BACH2: variants seen among roughly 807,000 people sequenced by gnomAD.
BACH2 encodes the protein BACH transcriptional regulator 2.
A neutral mutation model predicts 61.8 loss-of-function variants in BACH2; 5 were observed. That is an observed-to-expected ratio of 0.08 (90% CI 0.04 to 0.17). The LOEUF (loss-of-function observed/expected upper bound fraction) is 0.17. Among genes scored for constraint, BACH2 ranks in the 10% least tolerant of loss-of-function variants. The probability of loss-of-function intolerance (pLI) is 1.00; values close to 1 mark genes in which losing one functional copy is unlikely to be tolerated. For missense variants in BACH2, 824 were observed against 1,091.1 expected, an observed-to-expected ratio of 0.76 and a Z score of 3.45; for synonymous variants, 446 against 440.1, an observed-to-expected ratio of 1.01 and a Z score of -0.17.
intron 4 of BACH2, among the ~76,000 whole-genome samples, chr6:90,168,683 A>T (rs1767711648): frequency 6.6e-6 from 1 of 152,226 alleles, no homozygotes; most frequent in Non-Finnish European, 1.5e-5. Context: ...ACAACATAAT[A>T]ACTATTTATG....
chr6:90,171,424 A>C (rs916461287), intron 4 of BACH2, among the ~76,000 whole-genome samples: 2 of 151,978 alleles, frequency 1.3e-5, no homozygotes, highest in Non-Finnish European at 2.9e-5. Context: ...AAGAAGAAAA[A>C]AAAAAACAAA....
At chr6:90,122,484 G>A (rs915157393) in intron 4 of BACH2, among the ~76,000 whole-genome samples, 6 of 152,316 alleles carry the variant, frequency 3.9e-5, no homozygotes, top group South Asian at 2.1e-4. Context: ...ACTCATTTTA[G>A]TCTTGTCTTT....
chr6:90,080,408 T>C (rs12110619), intron 5 of BACH2, among the ~76,000 whole-genome samples: 6,766 of 152,158 alleles, frequency 0.044, 492 homozygotes, highest in African/African-American at 0.16. Context: ...CTGAAGCTTA[T>C]CAAGCATTAA....
At chr6:90,284,735 A>T (rs1175856445) in intron 1 of BACH2, among the ~76,000 whole-genome samples, 7 of 145,054 alleles carry the variant, frequency 4.8e-5, no homozygotes, top group East Asian at 2.0e-4. Context: ...TCAAGAGATT[A>T]AAAAAAAAAA....
At chr6:90,060,969 A>T (rs1780656964) in intron 5 of BACH2, among the ~76,000 whole-genome samples, 1 of 152,060 alleles carries the variant, frequency 6.6e-6, no homozygotes, top group Admixed American at 6.6e-5. Context: ...TTTTTTTCTT[A>T]GATATTTTCA....
intron 3 of BACH2, among the ~76,000 whole-genome samples, chr6:90,210,354 CAT>C (rs1769304089): frequency 6.6e-6 from 1 of 151,132 alleles, no homozygotes; most frequent in African/African-American, 2.4e-5. Flanking sequence ...CACACACGCA[CAT>C]GCACACACCA....
At chr6:90,127,343 C>T (rs1327619063) in intron 4 of BACH2, among the ~76,000 whole-genome samples, 2 of 152,262 alleles carry the variant, frequency 1.3e-5, no homozygotes, top group East Asian at 3.9e-4. Flanking sequence ...AGCAAGGCTG[C>T]GAGCCTCTCC....
At chr6:90,072,238 T>C (rs1389387303) in intron 5 of BACH2, among the ~76,000 whole-genome samples, 1 of 152,212 alleles carries the variant, frequency 6.6e-6, no homozygotes, top group Non-Finnish European at 1.5e-5. Flanking sequence ...GCAATGTTAC[T>C]ATAATAAGTA....
At chr6:90,050,774 A>AT (rs34979047) in intron 5 of BACH2, among the ~76,000 whole-genome samples, 44,682 of 146,942 alleles carry the variant, frequency 0.3, 7,228 homozygotes, top group East Asian at 0.68. Context: ...GTTCTCGGTA[A>AT]TTTTTTTTTT....
chr6:90,141,515 G>C (rs1784460793), intron 4 of BACH2, among the ~76,000 whole-genome samples: 1 of 145,196 alleles, frequency 6.9e-6, no homozygotes, highest in Non-Finnish European at 1.5e-5. Flanking sequence ...TTAAACCAAT[G>C]AATCTATATT....
rs546775616 is a variant in BACH2, at chr6:90,082,210, T to C, written c.-13+6751A>G. ...CCTTATAGTACAGTGATTACTAATTTCTAAATAATCAGAACACAATCAGTT... is the reference window on the plus strand; with the variant it reads ...CCTTATAGTACAGTGATTACTAATTCCTAAATAATCAGAACACAATCAGTT... On this transcript the variant is annotated intron_variant, in intron 5 of 8. Transcript: ENST00000257749. Among the ~76,000 whole-genome samples the C allele has an allele frequency of 5.3e-5, 8 of 152,298 alleles. No individual in the cohort carries two copies. In the South Asian group the frequency reaches 1.7e-3, roughly 32 times the overall value.
intron 5 of BACH2, among the ~76,000 whole-genome samples, chr6:90,029,257 C>T (rs1274076720): frequency 6.6e-6 from 1 of 152,170 alleles, no homozygotes; most frequent in Admixed American, 6.5e-5. Context: ...AGACTCCCCG[C>T]CCTGCCATTC....
At chr6:90,087,213 G>C (rs1368619867) in intron 5 of BACH2, among the ~76,000 whole-genome samples, 1 of 152,086 alleles carries the variant, frequency 6.6e-6, no homozygotes, top group Non-Finnish European at 1.5e-5. Flanking sequence ...CTCAACTCCA[G>C]AGAGTTATAA....
intron 3 of BACH2, among the ~76,000 whole-genome samples, chr6:90,225,313 G>A (rs1358299317): frequency 6.6e-6 from 1 of 152,088 alleles, no homozygotes; most frequent in African/African-American, 2.4e-5. Flanking sequence ...CCCAGGCCCG[G>A]GAGTTCGAGG....
At chr6:90,246,373 G>A (rs1770638486) in intron 3 of BACH2, among the ~76,000 whole-genome samples, 2 of 152,050 alleles carry the variant, frequency 1.3e-5, no homozygotes, top group Admixed American at 6.5e-5. Flanking sequence ...GTTGTCTACT[G>A]AAAACAATAT....
chr6:90,025,939 A>G (rs894862377), intron 5 of BACH2, among the ~76,000 whole-genome samples: 19 of 152,322 alleles, frequency 1.2e-4, no homozygotes, highest in African/African-American at 4.6e-4. Flanking sequence ...ATCATTTTAC[A>G]TTTTAATAGA....
chr6:90,004,785 A>C (rs1777319130), intron 6 of BACH2, among the ~76,000 whole-genome samples: 1 of 152,180 alleles, frequency 6.6e-6, no homozygotes. Context: ...TAGCACATCA[A>C]CTACTTTCTC....
intron 5 of BACH2, among the ~76,000 whole-genome samples, chr6:90,013,426 GA>G (rs1268070223): frequency 6.6e-6 from 1 of 151,666 alleles, no homozygotes; most frequent in Non-Finnish European, 1.5e-5. Context: ...TTGAGCTGAG[GA>G]AGTTTTATTT....
chr6:90,138,761 C>A (rs1225213389), intron 4 of BACH2, among the ~76,000 whole-genome samples: 2 of 152,132 alleles, frequency 1.3e-5, no homozygotes, highest in East Asian at 1.9e-4. Context: ...CGATTTCTTG[C>A]CACTAAATAA....
Sources: allele counts gnomAD v4.1 joint callset (sites outside exome capture counted in the v4.1 genomes callset), GRCh38; gene constraint gnomAD v4.1.1; transcripts MANE v1.5; gene names NCBI Gene and HGNC (gene_info 2026-07-23, HGNC 2026-07-21).